The following SSBP2 variants were observed in gnomAD, a reference collection of about 807,000 sequenced individuals.
SSBP2 encodes single-stranded DNA-binding protein 2.
In SSBP2, 17 loss-of-function variants were observed where a neutral mutation model predicts 61.8. The ratio of observed to expected loss-of-function variants is 0.28; its 90% CI spans 0.19 to 0.41. The LOEUF (loss-of-function observed/expected upper bound fraction) is 0.41, where lower values mean the gene tolerates loss of function less well. Ranked by LOEUF, SSBP2 falls within the 10% of genes least tolerant of loss-of-function variation. The pLI is 1.00. For missense variants in SSBP2, 310 were observed against 458.7 expected (o/e 0.68, Z 2.96); for synonymous variants, 139 against 141.3 (o/e 0.98, Z 0.12).
intron 8 of SSBP2, among the ~76,000 whole-genome samples, chr5:81,468,934 C>A (rs1307839142): frequency 1.3e-5 from 2 of 151,938 alleles, no homozygotes; most frequent in African/African-American, 4.8e-5. Context: ...GCAGTACTAG[C>A]AAGGGGGTCT....
At chr5:81,601,444 CAAGTAA>C (rs1229671848) in intron 4 of SSBP2, among the ~76,000 whole-genome samples, 1 of 152,006 alleles carries the variant, frequency 6.6e-6, no homozygotes, top group Admixed American at 6.6e-5. Context: ...CACACAAGTA[CAAGTAA>C]AACTGGGAAA....
At chr5:81,658,075 C>T (rs1750377000) in intron 1 of SSBP2, among the ~76,000 whole-genome samples, 1 of 151,992 alleles carries the variant, frequency 6.6e-6, no homozygotes, top group Non-Finnish European at 1.5e-5. Context: ...TTAAAATCTA[C>T]TCTCTCAGCA....
intron 10 of SSBP2, among the ~76,000 whole-genome samples, chr5:81,459,892 A>G (rs767388254): frequency 3.9e-5 from 6 of 152,234 alleles, no homozygotes; most frequent in Non-Finnish European, 7.3e-5. Context: ...CTATTTTAGG[A>G]GAAAGACTTG....
intron 1 of SSBP2, among the ~76,000 whole-genome samples, chr5:81,653,882 T>A (rs1317027924): frequency 6.6e-6 from 1 of 152,186 alleles, no homozygotes; most frequent in Non-Finnish European, 1.5e-5. Flanking sequence ...ATTTTAATTA[T>A]CACCTCTGTG....
intron 4 of SSBP2, among the ~76,000 whole-genome samples, chr5:81,589,966 C>A (rs1024463059): frequency 1.3e-5 from 2 of 152,094 alleles, no homozygotes; most frequent in East Asian, 3.9e-4. Context: ...CTAAACACCT[C>A]CTCCCCATCT....
chr5:81,526,378 T>C (rs964097159), intron 4 of SSBP2, among the ~76,000 whole-genome samples: 4 of 152,054 alleles, frequency 2.6e-5, no homozygotes, highest in Non-Finnish European at 5.9e-5. Flanking sequence ...TTTACTATTT[T>C]AGGGTGATAT....
chr5:81,490,786 C>T (rs1766799760), intron 5 of SSBP2, among the ~76,000 whole-genome samples: 1 of 152,148 alleles, frequency 6.6e-6, no homozygotes, highest in Admixed American at 6.5e-5. Context: ...AGCAATTTGG[C>T]TTTTTGTTCA....
At chr5:81,620,449 A>C (rs1371861971) in intron 3 of SSBP2, among the ~76,000 whole-genome samples, 2 of 151,774 alleles carry the variant, frequency 1.3e-5, no homozygotes, top group African/African-American at 4.8e-5. Flanking sequence ...TCAAGGAAAT[A>C]AAAGAGGACA....
At chr5:81,737,797 A>AC (rs913522731) in intron 1 of SSBP2, among the ~76,000 whole-genome samples, 10 of 151,398 alleles carry the variant, frequency 6.6e-5, no homozygotes, top group East Asian at 1.9e-4. Flanking sequence ...CAAAAAAAAA[A>AC]AAAAAACAAA....
At chr5:81,535,127 C>T (rs1195001575) in intron 4 of SSBP2, among the ~76,000 whole-genome samples, 1 of 151,738 alleles carries the variant, frequency 6.6e-6, no homozygotes, top group Non-Finnish European at 1.5e-5. Flanking sequence ...CTATAAGCCA[C>T]CAAAGAACAA....
intron 4 of SSBP2, among the ~76,000 whole-genome samples, chr5:81,597,514 A>G (rs1743891468): frequency 6.6e-6 from 1 of 152,146 alleles, no homozygotes; most frequent in South Asian, 2.1e-4. Flanking sequence ...CTGGGTATAT[A>G]CCCAAAGGAT....
chr5:81,529,784 T>C (rs1203961847), intron 4 of SSBP2, among the ~76,000 whole-genome samples: 1 of 152,088 alleles, frequency 6.6e-6, no homozygotes, highest in African/African-American at 2.4e-5. Flanking sequence ...GTGGGGAAAG[T>C]AGAGTTGGAT....
chr5:81,435,771 TTGA>T (rs1469942927), intron 15 of SSBP2, among the ~76,000 whole-genome samples: 1 of 152,228 alleles, frequency 6.6e-6, no homozygotes, highest in Admixed American at 6.5e-5. Context: ...TAAAACTATC[TTGA>T]TGATCCTACT....
intron 1 of SSBP2, among the ~76,000 whole-genome samples, chr5:81,750,400 CCACGCCCGGCTTCCGCCCGCCG>C (rs1017945001): frequency 1.4e-5 from 2 of 145,840 alleles, no homozygotes; most frequent in South Asian, 2.1e-4. Flanking sequence ...CTCGGCCGCT[CCACGCCCGGCTTCCGCCCGCCG>C]CGCGCCCGGC....
rs543797614 is a variant in SSBP2 at position 81,695,188 on chromosome 5, T to A, written c.63-44849A>T. Among the ~76,000 whole-genome samples the A allele has an allele frequency of 3.9e-5, 6 of 152,356 alleles. No homozygotes were observed. In the South Asian group the frequency reaches 1.2e-3, roughly 32 times the overall value. Reference sequence around the variant, plus strand: ...CTATAAGAAAGAATAAAATTAAGTATCTAAAATCACTTACTAAAACTGAGA... The same window carrying A: ...CTATAAGAAAGAATAAAATTAAGTAACTAAAATCACTTACTAAAACTGAGA... On this transcript the variant is annotated intron_variant, in intron 1 of 16. Coordinates refer to ENST00000320672, the MANE Select transcript of SSBP2 (RefSeq NM_012446.5).
At chr5:81,663,398 TTAAAG>T (rs752423391) in intron 1 of SSBP2, among the ~76,000 whole-genome samples, 69 of 152,314 alleles carry the variant, frequency 4.5e-4, no homozygotes, top group Non-Finnish European at 2.8e-4. Context: ...TATAGAACAA[TTAAAG>T]TAGATATGAC....
chr5:81,449,686 T>C (rs1392022184), intron 10 of SSBP2, among the ~76,000 whole-genome samples: 3 of 152,210 alleles, frequency 2.0e-5, no homozygotes, highest in Non-Finnish European at 4.4e-5. Flanking sequence ...ATAAAGTAAG[T>C]ATAAGGAAGT....
At position 81,425,813 on chromosome 5, in the gene SSBP2, C is replaced by A. The variant is rs528240207; in HGVS notation, c.1056+2772G>T. 3.3e-5 allele frequency among the ~76,000 whole-genome samples: 5 copies of A among 151,772 alleles called. No individual in the cohort carries two copies. In the South Asian group the frequency reaches 1.0e-3, roughly 32 times the overall value. ...GCACCGCAAGGTTTATGACTTTGGG[C>A]TGGGCATTTTTGTTTCTATATTAAT... On this transcript the variant is annotated intron_variant, in intron 16 of 16. Transcript: ENST00000320672.
chr5:81,678,026 T>C (rs1387527361), intron 1 of SSBP2, among the ~76,000 whole-genome samples: 2 of 152,118 alleles, frequency 1.3e-5, no homozygotes, highest in Non-Finnish European at 2.9e-5. Flanking sequence ...ACATGGCATA[T>C]GAAAAGGCAA....
Sources: allele counts gnomAD v4.1 joint callset (sites outside exome capture counted in the v4.1 genomes callset), GRCh38; gene constraint gnomAD v4.1.1; transcripts MANE v1.5; gene names NCBI Gene and HGNC (gene_info 2026-07-23, HGNC 2026-07-21).